Variants in TMPRSS9 observed in about 807,000 individuals in gnomAD.
TMPRSS9 encodes transmembrane protease serine 9.
A neutral mutation model predicts 111.4 loss-of-function variants in TMPRSS9; 113 were observed. The observed-to-expected ratio is 1.01, with a 90% CI of 0.87 to 1.19. The LOEUF (loss-of-function observed/expected upper bound fraction) is 1.19, where lower values mean the gene tolerates loss of function less well. Ranked by LOEUF, TMPRSS9 falls within the 50% of genes most tolerant of loss-of-function variation. The probability of loss-of-function intolerance (pLI) is 0.00; values close to 1 mark genes in which losing one functional copy is unlikely to be tolerated. For synonymous variants in TMPRSS9, 805 were observed against 659.1 expected (o/e 1.22, Z -3.39); for missense variants, 1,803 against 1,513.1 (o/e 1.19, Z -3.18).
rs1393182775 is a variant in TMPRSS9 at position 2,417,042 on chromosome 19, C to T, written c.2017+233C>T. On this transcript the variant is annotated intron_variant, in intron 12 of 17. Transcript: ENST00000648592. Reference sequence around the variant, plus strand: ...TTGTATAAACAAAGTTTTATTGGAACAGGGGCCATGTTCACACATCAACAG... The same window carrying T: ...TTGTATAAACAAAGTTTTATTGGAATAGGGGCCATGTTCACACATCAACAG... 3.3e-5 allele frequency among the ~76,000 whole-genome samples: 5 copies of T among 152,276 alleles called. No individual in the cohort carries two copies. The East Asian group carries it at 9.6e-4, about 29-fold the overall frequency.
chr19:2,412,608 A>C (rs142969000), intron 9 of TMPRSS9, among the ~76,000 whole-genome samples: 1 of 152,198 alleles, frequency 6.6e-6, no homozygotes, highest in African/African-American at 2.4e-5. Flanking sequence ...GGTCCTCTTG[A>C]GAAAGCTTTC....
At chr19:2,412,905 A>C (rs989017436) in intron 9 of TMPRSS9, among the ~76,000 whole-genome samples, 5 of 152,108 alleles carry the variant, frequency 3.3e-5, no homozygotes, top group Admixed American at 3.3e-4. Context: ...TTAAGAATGT[A>C]AGAGTCGGCC....
At chr19:2,361,263 TTGGGATGGGGTGGGGTGC>T (rs1444687718) in intron 1 of TMPRSS9, among the ~76,000 whole-genome samples, 1 of 34,532 alleles carries the variant, frequency 2.9e-5, no homozygotes, top group Non-Finnish European at 5.3e-5. Context: ...GGGTGCAGGG[TTGGGATGGGGTGGGGTGC>T]TGGGATGGGT....
At chr19:2,362,296 A>C (rs1382565166) in intron 1 of TMPRSS9, among the ~76,000 whole-genome samples, 1 of 151,778 alleles carries the variant, frequency 6.6e-6, no homozygotes, top group African/African-American at 2.4e-5. Context: ...GTGGTTGCGT[A>C]TAGTTATGTC....
rs1350073720 is a variant in TMPRSS9 at position 2,392,259 on chromosome 19, TG to T, written c.142+2333del. On this transcript the variant is annotated intron_variant, in intron 1 of 17. Transcript: ENST00000648592. Reference sequence around the variant, plus strand: ...AATGTTTTCAGTGAAAATGAGTGGTTGTGCGTGCCAGTAGTCCCTGCTACTC... The same window carrying T: ...AATGTTTTCAGTGAAAATGAGTGGTTTGCGTGCCAGTAGTCCCTGCTACTC... 6.5e-4 allele frequency among the ~76,000 whole-genome samples: 99 copies of T among 152,042 alleles called. 1 individual carries two copies. Among genetic ancestry groups the T allele is most frequent in the Admixed American group, 6.5e-3 (99 of 15,254 alleles).
rs1971234467 is a variant in TMPRSS9 at position 2,416,519 on chromosome 19, G to C, written c.1746-19G>C. On this transcript the variant is annotated intron_variant, in intron 11 of 17. Coordinates refer to ENST00000648592, the Ensembl canonical transcript of TMPRSS9. ...CATGTGCTGGAGGGCAGGCATGTCT[G>C]AGGGCCCTGTCTCCATAGCACGAAG... 3.1e-6 allele frequency: 5 copies of C among 1,594,422 alleles called. No individual in the cohort carries two copies. The highest frequency in any genetic ancestry group is 1.3e-5 in the African/African-American group (1 of 74,712).
At chr19:2,393,306 ACCACAAAC>A (rs1258618713) in intron 1 of TMPRSS9, among the ~76,000 whole-genome samples, 1 of 152,082 alleles carries the variant, frequency 6.6e-6, no homozygotes, top group East Asian at 1.9e-4. Context: ...GGCCAGCAAA[ACCACAAAC>A]CCACCAGGAG....
intron 7 of TMPRSS9, among the ~76,000 whole-genome samples, chr19:2,408,062 A>T (rs10414146): frequency 6.6e-6 from 1 of 150,970 alleles, no homozygotes; most frequent in South Asian, 2.1e-4. Flanking sequence ...GATTACAGGC[A>T]TGAGCCACCG....
chr19:2,412,932 G>A (rs1319033937), intron 9 of TMPRSS9, among the ~76,000 whole-genome samples: 1 of 152,078 alleles, frequency 6.6e-6, no homozygotes, highest in Non-Finnish European at 1.5e-5. Flanking sequence ...GGTGGCTCAC[G>A]CCTGTCATCC....
intron 4 of TMPRSS9, among the ~76,000 whole-genome samples, chr19:2,401,727 C>A (rs1162200658): frequency 1.3e-5 from 2 of 151,806 alleles, no homozygotes; most frequent in Non-Finnish European, 2.9e-5. Context: ...CCTGCCTCAG[C>A]CTCCCGAGTA....
At chr19:2,424,911 A>G in intron 15 of TMPRSS9, 91 bp from the exon 17 acceptor site, 1 of 1,350,800 alleles carries the variant, frequency 7.4e-7, no homozygotes, top group Non-Finnish European at 9.5e-7. Flanking sequence ...AACCCTGCCC[A>G]GGGTGCCAGC....
chr19:2,422,102 C>T, exon 14 of TMPRSS9: 1 of 1,605,172 alleles, frequency 6.2e-7, no homozygotes. Context: ...TCCCGGGGGC[C>T]ACACCCAGCA....
chr19:2,421,727 C>A, intron 13 of TMPRSS9, 127 bp from the exon 15 acceptor site: 3 of 1,020,238 alleles, frequency 2.9e-6, no homozygotes, highest in Non-Finnish European at 2.8e-6. Context: ...GTCTCCAGAC[C>A]CGCGCTGTGC....
chr19:2,390,813 A>G (rs1970573956), intron 1 of TMPRSS9, among the ~76,000 whole-genome samples: 1 of 151,468 alleles, frequency 6.6e-6, no homozygotes, highest in Non-Finnish European at 1.5e-5. Context: ...AGATCGCACC[A>G]CTGCACTCCA....
At chr19:2,389,391 T>G (rs980401573), upstream of TMPRSS9, among the ~76,000 whole-genome samples, 4 of 142,006 alleles carry the variant, frequency 2.8e-5, no homozygotes, top group African/African-American at 1.1e-4. Flanking sequence ...TTTTTTTTTT[T>G]TGGAGTCTCG....
chr19:2,384,619 T>G (rs1048555259), intron 1 of TMPRSS9, among the ~76,000 whole-genome samples: 2 of 151,480 alleles, frequency 1.3e-5, no homozygotes, highest in Non-Finnish European at 2.9e-5. Flanking sequence ...ATCGAGACCA[T>G]CCTGGCTAAC....
exon 8 of TMPRSS9, chr19:2,408,458 C>A: frequency 6.2e-7 from 1 of 1,613,924 alleles, no homozygotes; most frequent in Non-Finnish European, 8.5e-7. Flanking sequence ...TCGTCAAGCA[C>A]CCCCTGTACA....
At chr19:2,397,412 TCCTGAGTA>T (rs1970733586) in intron 2 of TMPRSS9, among the ~76,000 whole-genome samples, 1 of 151,996 alleles carries the variant, frequency 6.6e-6, no homozygotes, top group Non-Finnish European at 1.5e-5. Flanking sequence ...TGTCTCAGCC[TCCTGAGTA>T]GCCAGGGTTA....
chr19:2,368,334 A>G (rs1230686900), intron 1 of TMPRSS9, among the ~76,000 whole-genome samples: 2 of 152,146 alleles, frequency 1.3e-5, no homozygotes, highest in Non-Finnish European at 2.9e-5. Flanking sequence ...CCAAAAAAAA[A>G]AAAAAAGCAG....
Sources: allele counts gnomAD v4.1 joint callset (sites outside exome capture counted in the v4.1 genomes callset), GRCh38; gene constraint gnomAD v4.1.1; transcripts MANE v1.5; gene names NCBI Gene and HGNC (gene_info 2026-07-23, HGNC 2026-07-21).